Variants in PGBD5 observed in about 807,000 individuals in gnomAD.
PGBD5 encodes piggyBac transposable element derived 5, also known as piggyBac transposable element-derived protein 5.
A neutral mutation model predicts 47.9 loss-of-function variants in PGBD5; 14 were observed. The observed-to-expected ratio is 0.29, with a 90% CI of 0.19 to 0.46. The LOEUF is 0.46. Among genes scored for constraint, PGBD5 ranks in the 20% least tolerant of loss-of-function variants. The pLI is 1.00. For missense variants in PGBD5, 635 were observed against 716.0 expected, an observed-to-expected ratio of 0.89 and a Z score of 1.29; for synonymous variants, 316 against 306.3, an observed-to-expected ratio of 1.03 and a Z score of -0.33.
rs1451414419 is a variant in PGBD5, at chr1:230,379,566, TA to T, written c.332-22246del. Among the ~76,000 whole-genome samples the T allele has an allele frequency of 2.0e-5, 3 of 152,382 alleles. No individual in the cohort carries two copies. In the East Asian group the frequency reaches 5.8e-4, roughly 29 times the overall value. On this transcript the variant is annotated intron_variant, in intron 1 of 6. Transcript: ENST00000391860. Reference sequence around the variant, plus strand: ...TGTACCTTTTCAGTTTCAGCTGTACTAAAATACTCATGTTCACCAGCATGCA... The same window carrying T: ...TGTACCTTTTCAGTTTCAGCTGTACTAAATACTCATGTTCACCAGCATGCA...
At chr1:230,410,666 C>G (rs1434484763) in intron 1 of PGBD5, among the ~76,000 whole-genome samples, 1 of 151,996 alleles carries the variant, frequency 6.6e-6, no homozygotes, top group African/African-American at 2.4e-5. Flanking sequence ...TAGAACACTC[C>G]AGAAGATTTA....
At chr1:230,358,083 A>ATG (rs1485726634) in intron 1 of PGBD5, among the ~76,000 whole-genome samples, 1 of 152,074 alleles carries the variant, frequency 6.6e-6, no homozygotes, top group East Asian at 1.9e-4. Flanking sequence ...TTATATATAT[A>ATG]TGTATATACA....
intron 4 of PGBD5, 47 bp downstream of exon 4, chr1:230,337,061 C>T (rs778156466): frequency 2.5e-6 from 4 of 1,587,940 alleles, no homozygotes; most frequent in South Asian, 2.3e-5. Context: ...CACCACTTTC[C>T]CAGGGGAGGC....
intron 5 of PGBD5, among the ~76,000 whole-genome samples, chr1:230,328,366 C>T (rs183320377): frequency 2.0e-4 from 31 of 152,280 alleles, no homozygotes; most frequent in African/African-American, 7.5e-4. Flanking sequence ...AGCATTTCCC[C>T]AGTTTATAAA....
intron 1 of PGBD5, among the ~76,000 whole-genome samples, chr1:230,402,422 A>C (rs1424684164): frequency 2.0e-5 from 3 of 152,244 alleles, no homozygotes; most frequent in African/African-American, 7.2e-5. Flanking sequence ...TAGCAATAGC[A>C]ACATTTTAAC....
intron 3 of PGBD5, among the ~76,000 whole-genome samples, chr1:230,350,731 G>A (rs542760003): frequency 6.6e-6 from 1 of 152,296 alleles, no homozygotes; most frequent in Non-Finnish European, 1.5e-5. Context: ...GAATGTGCAG[G>A]GAACGGGGCC....
intron 1 of PGBD5, among the ~76,000 whole-genome samples, chr1:230,391,946 C>G (rs1255714323): frequency 1.3e-5 from 2 of 152,088 alleles, no homozygotes; most frequent in Non-Finnish European, 2.9e-5. Context: ...CCAAAGGGAG[C>G]CCGACACAGG....
chr1:230,350,857 G>T, intron 3 of PGBD5, 101 bp downstream of exon 3: 1 of 1,495,312 alleles, frequency 6.7e-7, no homozygotes, highest in Non-Finnish European at 9.0e-7. Flanking sequence ...AGTGAAAAGG[G>T]TATGTGAACA....
intron 1 of PGBD5, among the ~76,000 whole-genome samples, chr1:230,389,812 A>G (rs1328616885): frequency 6.6e-6 from 1 of 152,220 alleles, no homozygotes; most frequent in Non-Finnish European, 1.5e-5. Flanking sequence ...CAACTCATAC[A>G]CTATTTAGAA....
intron 1 of PGBD5, chr1:230,362,528 T>G (rs1667764397): frequency 9.0e-7 from 1 of 1,115,150 alleles, no homozygotes; most frequent in Admixed American, 3.7e-5. Flanking sequence ...TGGGGGAACC[T>G]CCTGACCCCC....
chr1:230,320,412 G>C lies in PGBD5; in HGVS notation c.*3013C>G, dbSNP rs1172647744. On this transcript the variant is annotated 3_prime_UTR_variant, in exon 7 of 7. Transcript: ENST00000391860. Reference sequence around the variant, plus strand: ...AGATTCTCTTTGGAGAAGCTTGGAAGTTTTTGTGGGTGTTTTGTTTTGCAT... The same window carrying C: ...AGATTCTCTTTGGAGAAGCTTGGAACTTTTTGTGGGTGTTTTGTTTTGCAT... The C allele has an allele frequency of 6.6e-6, 1 of 152,204 alleles. No homozygotes were observed. Among genetic ancestry groups the C allele is most frequent in the Non-Finnish European group, 1.5e-5 (1 of 68,048 alleles). 9.4% of individuals were successfully genotyped at this position (152,204 alleles called of 1,614,324 possible).
chr1:230,406,625 G>A (rs1425150489), intron 1 of PGBD5, among the ~76,000 whole-genome samples: 2 of 152,088 alleles, frequency 1.3e-5, no homozygotes, highest in Non-Finnish European at 2.9e-5. Context: ...TATAATCTTT[G>A]GAGAATTATT....
chr1:230,334,418 G>T (rs374009994), intron 4 of PGBD5, among the ~76,000 whole-genome samples: 8 of 152,350 alleles, frequency 5.3e-5, no homozygotes, highest in African/African-American at 1.4e-4. Flanking sequence ...CTGCATGTTC[G>T]TAAGAGGGAA....
At chr1:230,392,894 C>A (rs1163087524) in intron 1 of PGBD5, among the ~76,000 whole-genome samples, 1 of 151,752 alleles carries the variant, frequency 6.6e-6, no homozygotes, top group Non-Finnish European at 1.5e-5. Context: ...GAGCCTGGAG[C>A]AGCAGGAGCA....
At chr1:230,411,667 C>A (rs867938072) in intron 1 of PGBD5, among the ~76,000 whole-genome samples, 22 of 152,208 alleles carry the variant, frequency 1.4e-4, no homozygotes, top group Admixed American at 6.5e-5. Flanking sequence ...ATTAACAAAT[C>A]TGGCTTATGA....
At chr1:230,384,700 C>T (rs1375793232) in intron 1 of PGBD5, among the ~76,000 whole-genome samples, 1 of 152,242 alleles carries the variant, frequency 6.6e-6, no homozygotes, top group Non-Finnish European at 1.5e-5. Flanking sequence ...GTGTGTTTGA[C>T]TCTCACGACA....
chr1:230,406,001 C>G (rs1657289541), intron 1 of PGBD5, among the ~76,000 whole-genome samples: 1 of 152,140 alleles, frequency 6.6e-6, no homozygotes, highest in Admixed American at 6.5e-5. Context: ...TGCTAGGATT[C>G]TTTACAGTTT....
intron 1 of PGBD5, among the ~76,000 whole-genome samples, chr1:230,360,393 G>A (rs911745999): frequency 1.3e-5 from 2 of 152,158 alleles, no homozygotes; most frequent in Non-Finnish European, 2.9e-5. Flanking sequence ...AGGGAAGGAA[G>A]GAAAGAAATG....
At chr1:230,325,484 T>TATC (rs1457573423) in intron 5 of PGBD5, 69 bp from the exon 6 acceptor site, 1 of 1,127,266 alleles carries the variant, frequency 8.9e-7, no homozygotes, top group Non-Finnish European at 1.3e-6. Context: ...TAAATGTGCC[T>TATC]ATCTTCGTCC....
Sources: allele counts gnomAD v4.1 joint callset (sites outside exome capture counted in the v4.1 genomes callset), GRCh38; gene constraint gnomAD v4.1.1; transcripts MANE v1.5; gene names NCBI Gene and HGNC (gene_info 2026-07-23, HGNC 2026-07-21).